LRRC7: variants seen among roughly 807,000 people sequenced by gnomAD.
The protein encoded by LRRC7 is leucine rich repeat containing 7.
In LRRC7, 23 loss-of-function variants were observed where a neutral mutation model predicts 175.7. That is an observed-to-expected ratio of 0.13 (90% CI 0.09 to 0.19). The LOEUF is 0.19. LRRC7 is among the 10% of genes least tolerant of loss of function. The probability of loss-of-function intolerance (pLI) is 1.00; values close to 1 mark genes in which losing one functional copy is unlikely to be tolerated. For synonymous variants in LRRC7, 685 were observed against 680.9 expected, an observed-to-expected ratio of 1.01 and a Z score of -0.09; for missense variants, 1,354 against 1,904.7, an observed-to-expected ratio of 0.71 and a Z score of 5.38.
chr1:69,670,786 A>G (rs1658958139), intron 1 of LRRC7, among the ~76,000 whole-genome samples: 1 of 152,010 alleles, frequency 6.6e-6, no homozygotes, highest in Admixed American at 6.6e-5. Context: ...GCCCATGGCC[A>G]CCATCTCCAC....
intron 7 of LRRC7, among the ~76,000 whole-genome samples, chr1:69,866,076 A>T (rs1684921519): frequency 1.3e-5 from 2 of 152,376 alleles, no homozygotes; most frequent in South Asian, 2.1e-4. Flanking sequence ...GATAAATTCA[A>T]CACAATGCTC....
At position 69,897,506 on chromosome 1, in the gene LRRC7, G is replaced by A. The variant is rs140764476; in HGVS notation, c.648-34001G>A. Among the ~76,000 whole-genome samples, 609 of 152,112 alleles carry A rather than the reference G, an allele frequency of 4.0e-3. 5 individuals are homozygous for A. The highest frequency in any genetic ancestry group is 6.8e-3 in the Non-Finnish European group (461 of 67,982). ...CTCCCCACAATAATGGTATTTCCATGAGGGCAGAGACTTTATCTGTTTTGC... is the reference window on the plus strand; with the variant it reads ...CTCCCCACAATAATGGTATTTCCATAAGGGCAGAGACTTTATCTGTTTTGC... On this transcript the variant is annotated intron_variant, in intron 7 of 26. Transcript: ENST00000651989.
chr1:69,637,138 T>C (rs920990001), intron 1 of LRRC7, among the ~76,000 whole-genome samples: 2 of 150,360 alleles, frequency 1.3e-5, no homozygotes, highest in Non-Finnish European at 3.0e-5. Context: ...TTATATAAGG[T>C]GGGTTAACTA....
At chr1:69,971,130 T>A (rs550782285) in intron 8 of LRRC7, among the ~76,000 whole-genome samples, 16 of 152,112 alleles carry the variant, frequency 1.1e-4, no homozygotes, top group Non-Finnish European at 2.4e-4. Context: ...CATACCTCAA[T>A]GTAATAAAAA....
At chr1:69,587,950 C>T (rs558711908) in intron 1 of LRRC7, among the ~76,000 whole-genome samples, 15 of 152,262 alleles carry the variant, frequency 9.9e-5, no homozygotes, top group East Asian at 7.7e-4. Flanking sequence ...TGGACTAATA[C>T]GCCTTCCTAT....
intron 6 of LRRC7, among the ~76,000 whole-genome samples, chr1:69,837,208 T>G (rs1403822124): frequency 1.3e-5 from 2 of 151,948 alleles, no homozygotes; most frequent in East Asian, 3.9e-4. Flanking sequence ...AGCATTGTCA[T>G]GGGACAGATG....
chr1:69,710,235 C>T (rs184866318), intron 2 of LRRC7, among the ~76,000 whole-genome samples: 4 of 146,794 alleles, frequency 2.7e-5, no homozygotes, highest in East Asian at 2.0e-4. Flanking sequence ...GCCAAGATCA[C>T]GCCACTGCTC....
chr1:69,894,378 G>C (rs1570544032), intron 7 of LRRC7, among the ~76,000 whole-genome samples: 1 of 152,164 alleles, frequency 6.6e-6, no homozygotes, highest in African/African-American at 2.4e-5. Context: ...GCTGAATAGA[G>C]ACCACCCAAA....
chr1:69,621,161 C>T (rs1012805686), intron 1 of LRRC7, among the ~76,000 whole-genome samples: 1 of 152,096 alleles, frequency 6.6e-6, no homozygotes, highest in African/African-American at 2.4e-5. Context: ...TCTCTGGTCT[C>T]AGGTTCCCGA....
intron 8 of LRRC7, among the ~76,000 whole-genome samples, chr1:69,951,610 A>G (rs1410741263): frequency 6.6e-6 from 1 of 152,154 alleles, no homozygotes; most frequent in Non-Finnish European, 1.5e-5. Context: ...ACGCATCCAT[A>G]AAAAAGAACA....
chr1:69,906,209 T>C (rs1171582167), intron 7 of LRRC7, among the ~76,000 whole-genome samples: 2 of 152,212 alleles, frequency 1.3e-5, no homozygotes, highest in African/African-American at 4.8e-5. Flanking sequence ...TTTTGTGGGT[T>C]GCCTGTTCAC....
rs887357939 is a variant in LRRC7 at position 70,125,620 on chromosome 1, G to A, written c.*3733G>A. Reference sequence around the variant, plus strand: ...ATCCCAGCTAAAACGGTGAAACCCCGTCTCTACTAAAAATACAAAAAATTA... The same window carrying A: ...ATCCCAGCTAAAACGGTGAAACCCCATCTCTACTAAAAATACAAAAAATTA... On this transcript the variant is annotated 3_prime_UTR_variant, in exon 27 of 27. Coordinates refer to ENST00000651989, the MANE Select transcript of LRRC7 (RefSeq NM_001370785.2). Among the ~76,000 whole-genome samples the A allele has an allele frequency of 1.3e-5, 2 of 151,452 alleles. No homozygotes were observed. Among genetic ancestry groups the A allele is most frequent in the Non-Finnish European group, 2.9e-5 (2 of 67,852 alleles).
At chr1:69,798,740 A>G (rs1676102242) in intron 4 of LRRC7, among the ~76,000 whole-genome samples, 2 of 152,138 alleles carry the variant, frequency 1.3e-5, no homozygotes, top group Non-Finnish European at 2.9e-5. Flanking sequence ...TTAAAATTTC[A>G]GTGAAGTGCT....
chr1:69,806,618 C>A (rs1677145313), intron 4 of LRRC7, among the ~76,000 whole-genome samples: 1 of 151,876 alleles, frequency 6.6e-6, no homozygotes, highest in African/African-American at 2.4e-5. Context: ...GAGTATTGCC[C>A]CATTTTTAAT....
chr1:69,745,979 A>G (rs1465901719), intron 2 of LRRC7, among the ~76,000 whole-genome samples: 1 of 151,966 alleles, frequency 6.6e-6, no homozygotes, highest in Non-Finnish European at 1.5e-5. Flanking sequence ...AAATATCTAA[A>G]TAGTTCTTTC....
At chr1:69,993,429 C>G (rs1238868571) in intron 10 of LRRC7, among the ~76,000 whole-genome samples, 1 of 152,158 alleles carries the variant, frequency 6.6e-6, no homozygotes, top group Non-Finnish European at 1.5e-5. Flanking sequence ...TACTCTATGC[C>G]TGTTAGGAAC....
At chr1:69,763,248 C>A (rs1671236597) in intron 3 of LRRC7, among the ~76,000 whole-genome samples, 1 of 151,920 alleles carries the variant, frequency 6.6e-6, no homozygotes. Context: ...GGTTTCTATT[C>A]ACCTTGGCAG....
At chr1:69,849,965 A>T (rs1444571594) in intron 7 of LRRC7, among the ~76,000 whole-genome samples, 1 of 152,082 alleles carries the variant, frequency 6.6e-6, no homozygotes, top group African/African-American at 2.4e-5. Flanking sequence ...AATATAAACA[A>T]ATAAATGAGT....
chr1:70,009,583 A>T (rs572083567), intron 11 of LRRC7, among the ~76,000 whole-genome samples: 1 of 152,314 alleles, frequency 6.6e-6, no homozygotes, highest in South Asian at 2.1e-4. Flanking sequence ...TATGACAGGT[A>T]CTGTGCTAAG....
Sources: gnomAD v4.1 joint callset for allele counts (sites outside exome capture counted in the v4.1 genomes callset) on GRCh38, gnomAD v4.1.1 for gene constraint, MANE v1.5 for transcripts, NCBI Gene and HGNC (gene_info 2026-07-23, HGNC 2026-07-21) for gene names.